Variants in SLCO2A1 observed in about 807,000 individuals in gnomAD.
The protein encoded by SLCO2A1 is matrin F/G 1.
SLCO2A1 carries 60 observed loss-of-function variants against 71.7 expected under a neutral mutation model. The ratio of observed to expected loss-of-function variants is 0.84; its 90% CI spans 0.68 to 1.04. The LOEUF (loss-of-function observed/expected upper bound fraction) is 1.04. SLCO2A1 is among the 50% of genes least tolerant of loss of function. The pLI, the probability that SLCO2A1 is intolerant of heterozygous loss-of-function variation, is 0.00. For missense variants in SLCO2A1, 745 were observed against 813.4 expected (o/e 0.92, Z 1.02); for synonymous variants, 308 against 326.7 (o/e 0.94, Z 0.62).
At chr3:133,959,844 G>A (rs549828512) in intron 3 of SLCO2A1, among the ~76,000 whole-genome samples, 1 of 152,070 alleles carries the variant, frequency 6.6e-6, no homozygotes, top group Admixed American at 6.6e-5. Context: ...TAATGGGCCG[G>A]GTGCGGTGGC....
Position 133,955,142 on chromosome 3 carries a change from A to G in SLCO2A1, c.449T>C (p.Leu150Pro), listed in dbSNP as rs756785378. 5 of 1,614,140 alleles carry G rather than the reference A, an allele frequency of 3.1e-6. No homozygotes were observed. The highest frequency in any genetic ancestry group is 4.2e-6 in the Non-Finnish European group (5 of 1,180,016). ...AELCQKHWQD[L>P]PPSKCHSTTQ... ...GGTGCTGTGGCACTTACTGGGAGGC[A>G]GGTCCTGCCAATGCTTCTGGCAGAG... Residue 150 changes from leucine (L) to proline (P), a missense_variant, in exon 4 of 14, where the codon CTG becomes CCG. Coordinates refer to ENST00000310926, the MANE Select transcript of SLCO2A1 (RefSeq NM_005630.3).
At chr3:134,023,183 AG>A (rs2108080473) in intron 1 of SLCO2A1, among the ~76,000 whole-genome samples, 1 of 152,240 alleles carries the variant, frequency 6.6e-6, no homozygotes, top group African/African-American at 2.4e-5. Context: ...ACCCGAGTCA[AG>A]AAAGCGCCAC....
At chr3:134,021,543 G>A (rs1256492661) in intron 1 of SLCO2A1, among the ~76,000 whole-genome samples, 1 of 152,004 alleles carries the variant, frequency 6.6e-6, no homozygotes, top group African/African-American at 2.4e-5. Context: ...AGCATAAGTG[G>A]CTGGCAGAGG....
intron 5 of SLCO2A1, among the ~76,000 whole-genome samples, chr3:133,952,160 C>T (rs897720258): frequency 6.6e-6 from 1 of 152,200 alleles, no homozygotes; most frequent in Non-Finnish European, 1.5e-5. Context: ...TCTCTTTGGG[C>T]AACCAAGAGC....
chr3:133,940,220 G>T (rs1933384126), intron 11 of SLCO2A1, among the ~76,000 whole-genome samples: 1 of 152,168 alleles, frequency 6.6e-6, no homozygotes, highest in South Asian at 2.1e-4. Context: ...CACCCACCTT[G>T]GCCTCCCAAA....
Position 133,938,436 on chromosome 3 carries a change from G to C in SLCO2A1, c.1683C>G (p.Arg561=). 1 of 1,614,048 alleles carries C rather than the reference G, an allele frequency of 6.2e-7. No homozygotes were observed. Among genetic ancestry groups the C allele is most frequent in the Non-Finnish European group, 8.5e-7 (1 of 1,179,932 alleles). The change falls in exon 12 of 14, where the codon CGC becomes CGG. Residue 561 remains arginine (R), a synonymous_variant. Transcript: ENST00000310926. ...GGGGTCTTAGACACTTACCCAGCAAGCGCATCAACAAGAACTGCACCCCGA... is the reference window on the plus strand; with the variant it reads ...GGGGTCTTAGACACTTACCCAGCAACCGCATCAACAAGAACTGCACCCCGA... ...FAIGVQFLLM[R]LLAWLPSPAL... is the part of the protein sequence containing the mutation.
intron 5 of SLCO2A1, among the ~76,000 whole-genome samples, chr3:133,952,464 C>T (rs1365929700): frequency 1.3e-5 from 2 of 152,204 alleles, no homozygotes; most frequent in East Asian, 1.9e-4. Context: ...GCTGGAACTT[C>T]GTATCCCACC....
At position 134,018,125 on chromosome 3, in the gene SLCO2A1, G is replaced by A. The variant is rs79693145; in HGVS notation, c.96+11582C>T. On this transcript the variant is annotated intron_variant, in intron 1 of 13. Coordinates refer to ENST00000310926, the MANE Select transcript of SLCO2A1 (RefSeq NM_005630.3). ...GGCCCACCTGATCCTACCCGTTCCCGTTGTTCTCTCTTCCTTTCTCCCTAC... is the reference window on the plus strand; with the variant it reads ...GGCCCACCTGATCCTACCCGTTCCCATTGTTCTCTCTTCCTTTCTCCCTAC... Among the ~76,000 whole-genome samples, 738 of 152,246 alleles carry A rather than the reference G, an allele frequency of 4.8e-3. 3 individuals are homozygous for A. Among genetic ancestry groups the A allele is most frequent in the East Asian group, 0.019 (98 of 5,168 alleles).
At chr3:134,006,201 AATTTTTTTATTTCT>A (rs1935211592) in intron 1 of SLCO2A1, among the ~76,000 whole-genome samples, 1 of 152,000 alleles carries the variant, frequency 6.6e-6, no homozygotes, top group Non-Finnish European at 1.5e-5. Context: ...ATGCCTGGCT[AATTTTTTTATTTCT>A]ATTTTTTTAA....
chr3:134,024,536 AAG>A (rs1182908302), intron 1 of SLCO2A1, among the ~76,000 whole-genome samples: 4 of 152,230 alleles, frequency 2.6e-5, no homozygotes, highest in African/African-American at 9.6e-5. Context: ...ATGTGTCAGA[AAG>A]AGAAAAAATG....
At chr3:134,029,223 C>T (rs774675066) in intron 1 of SLCO2A1, among the ~76,000 whole-genome samples, 24 of 152,234 alleles carry the variant, frequency 1.6e-4, no homozygotes, top group Non-Finnish European at 2.6e-4. Context: ...TTAGGCCACC[C>T]ACCCCAGGAC....
chr3:134,022,925 C>A (rs1935619747), intron 1 of SLCO2A1, among the ~76,000 whole-genome samples: 1 of 152,222 alleles, frequency 6.6e-6, no homozygotes, highest in Admixed American at 6.5e-5. Flanking sequence ...AAATTATATA[C>A]TTGGTTTATC....
intron 1 of SLCO2A1, among the ~76,000 whole-genome samples, chr3:133,995,666 G>A (rs999445528): frequency 5.9e-5 from 9 of 152,124 alleles, no homozygotes; most frequent in Admixed American, 4.6e-4. Flanking sequence ...CATCAATTCT[G>A]TCACCCAGGA....
intron 1 of SLCO2A1, among the ~76,000 whole-genome samples, chr3:133,987,711 G>A (rs1934750057): frequency 6.6e-6 from 1 of 152,170 alleles, no homozygotes; most frequent in Admixed American, 6.5e-5. Flanking sequence ...ATATCTTAGA[G>A]TTTGACTCTT....
At chr3:133,977,440 A>T (rs944816443) in intron 2 of SLCO2A1, among the ~76,000 whole-genome samples, 5 of 152,164 alleles carry the variant, frequency 3.3e-5, no homozygotes, top group Non-Finnish European at 7.3e-5. Flanking sequence ...TGAGGAATCC[A>T]GTTGTTTCCG....
chr3:133,990,837 T>C (rs976333481), intron 1 of SLCO2A1, among the ~76,000 whole-genome samples: 3 of 151,964 alleles, frequency 2.0e-5, no homozygotes, highest in Admixed American at 6.6e-5. Flanking sequence ...TGGCCAAGCA[T>C]AGTGGCTCAC....
chr3:133,962,009 C>A (rs1934048694), intron 3 of SLCO2A1, among the ~76,000 whole-genome samples: 1 of 152,232 alleles, frequency 6.6e-6, no homozygotes, highest in Admixed American at 6.5e-5. Flanking sequence ...GCCTGAGACA[C>A]CCTTGGCAGT....
In SLCO2A1 at chr3:133,945,120, A is replaced by G; in HGVS notation, c.1436T>C (p.Met479Thr). The G allele has an allele frequency of 1.2e-6, 2 of 1,613,818 alleles. No individual in the cohort carries two copies. The highest frequency in any genetic ancestry group is 1.7e-6 in the Non-Finnish European group (2 of 1,179,816). ...PCHAGCSNIN[M>T]SSATSKQLIY... ...CAGTTGCTTGGAGGTTGCAGAGCTC[A>G]TGTTGATGTTGCTGCAGCCGGCATG... Residue 479 changes from methionine (M) to threonine (T), a missense_variant, in exon 10 of 14, where the codon ATG becomes ACG. By Grantham distance (81) the Met-to-Thr change is moderately conservative. Transcript: ENST00000310926.
chr3:134,023,159 A>G lies in SLCO2A1; in HGVS notation c.96+6548T>C, dbSNP rs369331342. The stretch of plus-strand genomic sequence containing the variant: ...AAACAAACAAACAAACAAACAAAAG[A>G]ATGGACTCATTACACCCGAGTCAAG... On this transcript the variant is annotated intron_variant, in intron 1 of 13. Transcript: ENST00000310926. 2.7e-3 allele frequency among the ~76,000 whole-genome samples: 409 copies of G among 152,022 alleles called. 8 individuals are homozygous for G. The highest frequency in any genetic ancestry group is 9.4e-3 in the African/African-American group (392 of 41,496).
Sources: gnomAD v4.1 joint callset for allele counts (sites outside exome capture counted in the v4.1 genomes callset) on GRCh38, gnomAD v4.1.1 for gene constraint, MANE v1.5 for transcripts, NCBI Gene and HGNC (gene_info 2026-07-23, HGNC 2026-07-21) for gene names.